Variants in BCAS3 observed in about 807,000 individuals in gnomAD.
BCAS3 encodes the protein BCAS3 microtubule associated cell migration factor, also known as BCAS4/BCAS3 fusion.
Under a neutral mutation model 116.1 loss-of-function variants are expected in BCAS3, and 53 were observed. The ratio of observed to expected loss-of-function variants is 0.46; its 90% CI spans 0.37 to 0.57. BCAS3 has a LOEUF of 0.57. BCAS3 is among the 20% of genes least tolerant of loss of function. The pLI is 0.00. For missense variants in BCAS3, 917 were observed against 1,165.4 expected, an observed-to-expected ratio of 0.79 and a Z score of 3.10; for synonymous variants, 391 against 408.2, an observed-to-expected ratio of 0.96 and a Z score of 0.51.
At chr17:61,120,361 G>A (rs559694230) in intron 22 of BCAS3, among the ~76,000 whole-genome samples, 8 of 152,162 alleles carry the variant, frequency 5.3e-5, no homozygotes, top group African/African-American at 1.9e-4. Context: ...AATAAATGGT[G>A]TTCTGTTGTA....
chr17:60,811,522 A>G (rs1169323206), intron 7 of BCAS3: 9 of 303,262 alleles, frequency 3.0e-5, no homozygotes, highest in Non-Finnish European at 4.5e-5. Flanking sequence ...TTCAGAGGTA[A>G]AAAAAAAAAA....
At position 61,235,732 on chromosome 17, in the gene BCAS3, A is replaced by G. The variant is rs550799132; in HGVS notation, c.2426-132595A>G. 6.6e-5 allele frequency among the ~76,000 whole-genome samples: 10 copies of G among 151,840 alleles called. No homozygotes were observed. The highest frequency in any genetic ancestry group is 3.4e-3 in the Middle Eastern group (1 of 294). ...AAAAAAAAGGAGAAGAAGGAGAAAG[A>G]AAGACAAGGGAAAAAAATGGTTAGG... On this transcript the variant is annotated intron_variant, in intron 22 of 23. Coordinates refer to ENST00000407086, the MANE Select transcript of BCAS3 (RefSeq NM_017679.5). The surrounding 1 kb of genome is among the most constrained non-coding windows in gnomAD (Gnocchi z 5.0).
intron 12 of BCAS3, among the ~76,000 whole-genome samples, chr17:60,917,608 T>A (rs965053619): frequency 2.0e-5 from 3 of 152,022 alleles, no homozygotes; most frequent in Non-Finnish European, 4.4e-5. Flanking sequence ...TTTTTTTTTT[T>A]ATTGAAATGG....
At chr17:61,351,912 T>C (rs1568919456) in intron 22 of BCAS3, among the ~76,000 whole-genome samples, 1 of 152,202 alleles carries the variant, frequency 6.6e-6, no homozygotes, top group East Asian at 1.9e-4. Context: ...TCAGAGGACA[T>C]ACAGCTCGTC....
At chr17:61,293,013 A>G (rs1323662250) in intron 22 of BCAS3, among the ~76,000 whole-genome samples, 1 of 152,200 alleles carries the variant, frequency 6.6e-6, no homozygotes, top group Admixed American at 6.5e-5. Context: ...ATTCTTGACA[A>G]GTGTATCATT....
chr17:60,862,160 G>A (rs1441218718), intron 7 of BCAS3, among the ~76,000 whole-genome samples: 2 of 152,178 alleles, frequency 1.3e-5, no homozygotes, highest in Non-Finnish European at 2.9e-5. Context: ...GCAAGCGCCT[G>A]TAGTCCCAGC....
At chr17:60,727,874 C>T (rs2040057467) in intron 5 of BCAS3, among the ~76,000 whole-genome samples, 1 of 149,704 alleles carries the variant, frequency 6.7e-6, no homozygotes, top group Non-Finnish European at 1.5e-5. Context: ...GTGGTGCGAT[C>T]TTGGCTCACT....
chr17:61,170,831 A>G (rs1012335110), intron 22 of BCAS3, among the ~76,000 whole-genome samples: 1 of 152,104 alleles, frequency 6.6e-6, no homozygotes, highest in African/African-American at 2.4e-5. Context: ...GAGAGGAAAG[A>G]GCTGTACACG....
intron 22 of BCAS3, among the ~76,000 whole-genome samples, chr17:61,268,341 C>T (rs1201491743): frequency 3.3e-5 from 5 of 152,106 alleles, no homozygotes; most frequent in East Asian, 1.9e-4. Flanking sequence ...TCACTACCAC[C>T]GACCCCCACC....
In BCAS3 at chr17:61,324,728, G is replaced by T. The variant is rs972449296; in HGVS notation, c.2426-43599G>T. 2.6e-5 allele frequency among the ~76,000 whole-genome samples: 4 copies of T among 151,758 alleles called. No homozygotes were observed. Among genetic ancestry groups the T allele is most frequent in the African/African-American group, 9.7e-5 (4 of 41,268 alleles). On this transcript the variant is annotated intron_variant, in intron 22 of 23. Transcript: ENST00000407086. This position sits in a 1 kb window ranked among gnomAD's most constrained non-coding sequence, Gnocchi z 4.6. ...ATAAAATGGTATCCAGCCAGGCACG[G>T]TAGCTCACTTCTATAATCTCAGAAG...
intron 10 of BCAS3, among the ~76,000 whole-genome samples, chr17:60,897,706 T>G (rs1054333106): frequency 6.6e-6 from 1 of 151,810 alleles, no homozygotes; most frequent in Non-Finnish European, 1.5e-5. Context: ...TTTATTTTAC[T>G]TATTTATTTA....
chr17:61,165,424 G>A (rs1362609815), intron 22 of BCAS3, among the ~76,000 whole-genome samples: 4 of 152,136 alleles, frequency 2.6e-5, no homozygotes, highest in East Asian at 1.9e-4. Flanking sequence ...TAGGCTGGGC[G>A]CAGTGGCTCA....
intron 7 of BCAS3, among the ~76,000 whole-genome samples, chr17:60,819,751 CT>C (rs2049761992): frequency 6.6e-6 from 1 of 151,984 alleles, no homozygotes; most frequent in African/African-American, 2.4e-5. Flanking sequence ...TACCCTCCCC[CT>C]CTCCTTCCTT....
intron 22 of BCAS3, among the ~76,000 whole-genome samples, chr17:61,236,124 A>G (rs1373292593): frequency 6.6e-6 from 1 of 152,076 alleles, no homozygotes; most frequent in Non-Finnish European, 1.5e-5. Flanking sequence ...ACTCAGTTTA[A>G]CTCCTTGGGT....
At chr17:60,780,707 T>C (rs999163832) in intron 6 of BCAS3, among the ~76,000 whole-genome samples, 2 of 152,214 alleles carry the variant, frequency 1.3e-5, no homozygotes, top group Admixed American at 1.3e-4. Context: ...GATAATTTGT[T>C]TGGAAAATAG....
chr17:60,744,171 G>C (rs1176662225), intron 5 of BCAS3, among the ~76,000 whole-genome samples: 2 of 152,110 alleles, frequency 1.3e-5, no homozygotes, highest in Non-Finnish European at 2.9e-5. Flanking sequence ...ATACTGCTTG[G>C]ACTCTCTTTC....
chr17:61,114,783 G>T (rs112452822), intron 22 of BCAS3, among the ~76,000 whole-genome samples: 32 of 149,014 alleles, frequency 2.1e-4, no homozygotes, highest in Non-Finnish European at 6.0e-5. Flanking sequence ...CATCGCCAAG[G>T]CAATCCTAAG....
chr17:60,678,389 T>C (rs1332034002), intron 1 of BCAS3, among the ~76,000 whole-genome samples: 1 of 152,134 alleles, frequency 6.6e-6, no homozygotes, highest in African/African-American at 2.4e-5. Context: ...AAAAATGGTT[T>C]TCGGTGCCTT....
intron 22 of BCAS3, among the ~76,000 whole-genome samples, chr17:61,314,703 A>G (rs1558225): frequency 0.78 from 118,411 of 152,170 alleles, 46,197 homozygotes; most frequent in East Asian, 0.85. Flanking sequence ...CTTTATCTGC[A>G]GCAGAGACTT....
Sources: allele counts gnomAD v4.1 joint callset (sites outside exome capture counted in the v4.1 genomes callset), GRCh38; gene constraint gnomAD v4.1.1; non-coding constraint Gnocchi (gnomAD v3.1); transcripts MANE v1.5; gene names NCBI Gene and HGNC (gene_info 2026-07-23, HGNC 2026-07-21).